ZNF677: variants seen among roughly 807,000 people sequenced by gnomAD.
ZNF677 encodes zinc finger protein 677.
A neutral mutation model predicts 8.1 loss-of-function variants in ZNF677; 5 were observed. That is an observed-to-expected ratio of 0.62 (90% CI 0.32 to 1.29). The LOEUF (loss-of-function observed/expected upper bound fraction) is 1.29. Among genes scored for constraint, ZNF677 ranks in the 50% most tolerant of loss-of-function variants. ZNF677 has a pLI of 0.05. For missense variants in ZNF677, 685 were observed against 685.9 expected, an observed-to-expected ratio of 1.00 and a Z score of 0.01; for synonymous variants, 221 against 225.6, an observed-to-expected ratio of 0.98 and a Z score of 0.18.
At chr19:53,251,966 A>T (rs2091241650) in intron 2 of ZNF677, among the ~76,000 whole-genome samples, 1 of 152,184 alleles carries the variant, frequency 6.6e-6, no homozygotes, top group Non-Finnish European at 1.5e-5. Context: ...ACAGGTGAAG[A>T]GCCACCATAG....
In ZNF677 at chr19:53,238,140, T is replaced by C. The variant is rs1193346276; in HGVS notation, c.587A>G (p.Gln196Arg). Residue 196 changes from glutamine to arginine, a missense_variant, in exon 5 of 5, where the codon CAG (glutamine) becomes CGG (arginine). Gln to Arg is a conservative substitution (Grantham distance 43). Coordinates refer to ENST00000598513, the MANE Select transcript of ZNF677 (RefSeq NM_182609.4). ...TCTCTGTAGTTCAGCCAGCTGTGCC[T>C]GTAAGCTTAATCCAATTTTATTTTC... ...CFENKIGLSL[Q>R]AQLAELQRFQ... 14 of 1,613,518 alleles carry C rather than the reference T, an allele frequency of 8.7e-6. No homozygotes were observed. Among genetic ancestry groups the C allele is most frequent in the Admixed American group, 1.7e-5 (1 of 59,966 alleles).
In ZNF677 at chr19:53,237,608, T is replaced by C; in HGVS notation, c.1119A>G (p.Lys373=). Residue 373 remains lysine (K), a synonymous_variant, in exon 5 of 5, where the codon AAA becomes AAG. Coordinates refer to ENST00000598513, the MANE Select transcript of ZNF677 (RefSeq NM_182609.4). ...TGTCACATTCATTACATTTGTAAGG[T>C]TTCTCTCCAGTATGAATTCTTTCAT... ...WGHERIHTGE[K]PYKCNECDKA... The C allele has an allele frequency of 6.2e-7, 1 of 1,613,910 alleles. No individual in the cohort carries two copies. The highest frequency in any genetic ancestry group is 8.5e-7 in the Non-Finnish European group (1 of 1,179,938).
intron 3 of ZNF677, among the ~76,000 whole-genome samples, chr19:53,245,717 C>G (rs1447469715): frequency 6.6e-6 from 1 of 151,916 alleles, no homozygotes; most frequent in African/African-American, 2.4e-5. Flanking sequence ...GGAGGTTCCT[C>G]AAAAATTAAA....
At position 53,243,825 on chromosome 19, in the gene ZNF677, T is replaced by C; in HGVS notation, c.88A>G (p.Arg30Gly). The change falls in exon 4 of 5, where the codon AGG becomes GGG. Residue 30 changes from arginine (R) to glycine (G), a missense_variant. Arg to Gly is a moderately radical substitution (Grantham distance 125). Transcript: ENST00000598513. ...EEWECLDPAQ[R>G]ALYRDVMLEN... ...AACATCACGTCCCTGTACAAGGCCCTCTGGGCAGGGTCCAGGCACTCCCAC... is the reference window on the plus strand; with the variant it reads ...AACATCACGTCCCTGTACAAGGCCCCCTGGGCAGGGTCCAGGCACTCCCAC... 1 of 1,614,086 alleles carries C rather than the reference T, an allele frequency of 6.2e-7. No homozygotes were observed. Among genetic ancestry groups the C allele is most frequent in the Non-Finnish European group, 8.5e-7 (1 of 1,179,996 alleles).
chr19:53,240,930 G>C (rs139443556), intron 4 of ZNF677: 1 of 151,882 alleles, frequency 6.6e-6, no homozygotes, highest in Admixed American at 6.6e-5. Context: ...CGCTGTGCAC[G>C]TGTGGGGGAA....
intron 3 of ZNF677, among the ~76,000 whole-genome samples, chr19:53,244,379 A>G (rs758151904): frequency 3.3e-5 from 5 of 152,160 alleles, no homozygotes; most frequent in Non-Finnish European, 7.4e-5. Flanking sequence ...AAACAAATAA[A>G]TTAGCCATTT....
chr19:53,238,021 T>C lies in ZNF677; in HGVS notation c.706A>G (p.Ile236Val), dbSNP rs2090993388. ...VSPLPPCVKN[I>V]CNKYRKILKY... ...AAAATCTTCCTATATTTATTACAAA[T>C]GTTTTTGACACAAGGAGGAAGTGGT... The change falls in exon 5 of 5, where the codon ATT becomes GTT. Residue 236 changes from isoleucine to valine, a missense_variant. By Grantham distance (29) the Ile-to-Val change is conservative. Coordinates refer to ENST00000598513, the MANE Select transcript of ZNF677 (RefSeq NM_182609.4). 8.1e-6 allele frequency: 13 copies of C among 1,613,844 alleles called. No individual in the cohort carries two copies. The highest frequency in any genetic ancestry group is 1.1e-5 in the South Asian group (1 of 91,068).
Position 53,238,385 on chromosome 19 carries a change from T to C in ZNF677, c.342A>G (p.Val114=). ...TCAAAGGCATTCCTTTGTAATTTTT[T>C]ACATCATAGTCCCACAGGCTGTCAA... ...PKFDSLWDYD[V]KNYKGMPLTC... The change falls in exon 5 of 5, where the codon GTA becomes GTG. Residue 114 remains valine (V), a synonymous_variant. Coordinates refer to ENST00000598513, the MANE Select transcript of ZNF677 (RefSeq NM_182609.4). The C allele has an allele frequency of 1.9e-6, 3 of 1,613,710 alleles. No individual in the cohort carries two copies. Among genetic ancestry groups the C allele is most frequent in the Non-Finnish European group, 1.7e-6 (2 of 1,179,866 alleles).
chr19:53,237,078 T>C lies in ZNF677; in HGVS notation c.1649A>G (p.Asn550Ser). The C allele has an allele frequency of 1.2e-6, 2 of 1,613,498 alleles. No homozygotes were observed. Among genetic ancestry groups the C allele is most frequent in the Admixed American group, 1.7e-5 (1 of 59,932 alleles). Residue 550 changes from asparagine to serine, a missense_variant, in exon 5 of 5, where the codon AAT (asparagine) becomes AGT (serine). By Grantham distance (46) the Asn-to-Ser change is conservative. Transcript: ENST00000598513. ...AAGGTTTGAACTTTGGAATAAAGCA[T>C]TACCATGTATATTATGTTTACAATG... The part of the protein sequence containing the change: ...KKHCKHNIHG[N>S]ALFQSSNLGD...
At chr19:53,251,509 A>G in intron 3 of ZNF677, 27 bp downstream of exon 3, 1 of 1,605,502 alleles carries the variant, frequency 6.2e-7, no homozygotes, top group South Asian at 1.1e-5. Flanking sequence ...AGAGGACAAA[A>G]CAGTGAACCA....
chr19:53,241,477 A>G, intron 4 of ZNF677: 1 of 205,640 alleles, frequency 4.9e-6, no homozygotes, highest in Non-Finnish European at 9.7e-6. Context: ...TGGGATGAAT[A>G]ATGTGGTATG....
In ZNF677 at chr19:53,237,165, C is replaced by T. The variant is rs748443480; in HGVS notation, c.1562G>A (p.Gly521Asp). Residue 521 changes from glycine (G) to aspartate (D), a missense_variant, in exon 5 of 5, where the codon GGC becomes GAC. Gly to Asp is a moderately conservative substitution (Grantham distance 94, BLOSUM62 -1). Coordinates refer to ENST00000598513, the MANE Select transcript of ZNF677 (RefSeq NM_182609.4). ...GTTTGCAAATTGGGTAAAAGCTTTG[C>T]CACATTCAGTACATTTGTAAGGTTT... is the stretch of plus-strand genomic sequence containing the variant. The part of the protein sequence containing the change: ...GEKPYKCTEC[G>D]KAFTQFANLT... The T allele has an allele frequency of 1.2e-6, 2 of 1,612,482 alleles. No homozygotes were observed. Among genetic ancestry groups the T allele is most frequent in the African/African-American group, 1.3e-5 (1 of 74,978 alleles).
intron 1 of ZNF677, among the ~76,000 whole-genome samples, chr19:53,253,741 A>T (rs1187331967): frequency 6.6e-6 from 1 of 152,228 alleles, no homozygotes; most frequent in Non-Finnish European, 1.5e-5. Context: ...AAACCTCATA[A>T]GCTGAACAAT....
At position 53,237,849 on chromosome 19, in the gene ZNF677, C is replaced by T; in HGVS notation, c.878G>A (p.Cys293Tyr). Residue 293 changes from cysteine to tyrosine, a missense_variant, in exon 5 of 5, where the codon TGT (cysteine) becomes TAT (tyrosine). Cys to Tyr is a radical substitution (Grantham distance 194). Coordinates refer to ENST00000598513, the MANE Select transcript of ZNF677 (RefSeq NM_182609.4). ...GTTAAAGGCTTTGCCACACTCGTTA[C>T]ATTTGTAAGGTCTCTGTCCAGAGTG... is the stretch of plus-strand genomic sequence containing the variant. ...RIHSGQRPYKCNECGKAFNQC... is the reference protein window; with the variant it reads ...RIHSGQRPYKYNECGKAFNQC... 1.2e-6 allele frequency: 2 copies of T among 1,613,432 alleles called. No homozygotes were observed. The highest frequency in any genetic ancestry group is 8.5e-7 in the Non-Finnish European group (1 of 1,179,692).
chr19:53,249,170 G>A (rs2091194051), intron 3 of ZNF677: 1 of 152,142 alleles, frequency 6.6e-6, no homozygotes, highest in South Asian at 2.1e-4. Context: ...TTGAAACACT[G>A]TTGTCCTACT....
At chr19:53,253,694 T>A (rs561476685) in intron 1 of ZNF677, among the ~76,000 whole-genome samples, 115 of 151,938 alleles carry the variant, frequency 7.6e-4, no homozygotes, top group African/African-American at 1.7e-3. Context: ...CTCAAAAAAA[T>A]AAATAAATAA....
intron 3 of ZNF677, among the ~76,000 whole-genome samples, chr19:53,250,646 A>G (rs1218890435): frequency 1.3e-5 from 2 of 152,192 alleles, no homozygotes; most frequent in African/African-American, 4.8e-5. Context: ...CATAGAGGGA[A>G]ACAACACACA....
chr19:53,245,814 C>T (rs1016662091), intron 3 of ZNF677, among the ~76,000 whole-genome samples: 1 of 151,746 alleles, frequency 6.6e-6, no homozygotes, highest in Non-Finnish European at 1.5e-5. Flanking sequence ...AAGTTCAAGA[C>T]CAGCCTGGCC....
chr19:53,243,779 A>G lies in ZNF677; in HGVS notation c.134T>C (p.Leu45Pro). The change falls in exon 4 of 5, where the codon CTT becomes CCT. Residue 45 changes from leucine (L) to proline (P), a missense_variant. Transcript: ENST00000598513. ...AGGGATGTTATCCTCATCGAGAGAAAGCAGGTTCCTGTAGTTCTCCAACAT... is the reference window on the plus strand; with the variant it reads ...AGGGATGTTATCCTCATCGAGAGAAGGCAGGTTCCTGTAGTTCTCCAACAT... ...DVMLENYRNLLSLDEDNIPPE... is the reference protein window; with the variant it reads ...DVMLENYRNLPSLDEDNIPPE... 6.2e-7 allele frequency: 1 copy of G among 1,614,222 alleles called. No individual in the cohort carries two copies. The highest frequency in any genetic ancestry group is 8.5e-7 in the Non-Finnish European group (1 of 1,180,048).
Sources: gnomAD v4.1 joint callset for allele counts (sites outside exome capture counted in the v4.1 genomes callset) on GRCh38, gnomAD v4.1.1 for gene constraint, MANE v1.5 for transcripts, NCBI Gene and HGNC (gene_info 2026-07-23, HGNC 2026-07-21) for gene names.